FBXL7: variants seen among roughly 807,000 people sequenced by gnomAD.
FBXL7 encodes F-box/LRR-repeat protein 7.
A neutral mutation model predicts 38.3 loss-of-function variants in FBXL7; 12 were observed. The ratio of observed to expected loss-of-function variants is 0.31; its 90% confidence interval spans 0.20 to 0.51. The LOEUF (loss-of-function observed/expected upper bound fraction) is 0.51. Ranked by LOEUF, FBXL7 falls within the 20% of genes least tolerant of loss-of-function variation. The probability of loss-of-function intolerance (pLI) is 0.98; values close to 1 mark genes in which losing one functional copy is unlikely to be tolerated. For missense variants in FBXL7, 567 were observed against 676.4 expected (o/e 0.84, Z 1.79); for synonymous variants, 297 against 300.9 (o/e 0.99, Z 0.13).
intron 2 of FBXL7, among the ~76,000 whole-genome samples, chr5:15,692,597 T>C (rs186386389): frequency 7.2e-4 from 110 of 152,264 alleles, no homozygotes; most frequent in African/African-American, 2.5e-3. Context: ...GATAGAGTTT[T>C]TACCCCTGGC....
chr5:15,673,085 G>A (rs1308779958), intron 2 of FBXL7, among the ~76,000 whole-genome samples: 1 of 152,064 alleles, frequency 6.6e-6, no homozygotes, highest in Non-Finnish European at 1.5e-5. Flanking sequence ...CCAGGCCGAG[G>A]AAGGCTAATC....
chr5:15,503,989 T>C (rs1736573134), intron 1 of FBXL7, among the ~76,000 whole-genome samples: 2 of 152,254 alleles, frequency 1.3e-5, no homozygotes, highest in African/African-American at 4.8e-5. Flanking sequence ...CCTTAGCAGA[T>C]GTAATGGGCA....
chr5:15,568,046 A>G (rs1453401174), intron 1 of FBXL7, among the ~76,000 whole-genome samples: 3 of 152,060 alleles, frequency 2.0e-5, no homozygotes, highest in Admixed American at 6.6e-5. Context: ...GAATAGTGCC[A>G]CAATAAACAT....
chr5:15,848,223 G>T (rs1446232424), intron 2 of FBXL7, among the ~76,000 whole-genome samples: 1 of 151,940 alleles, frequency 6.6e-6, no homozygotes. Context: ...ATAATAATCT[G>T]TTCTTTCTGT....
chr5:15,836,411 C>T (rs1738594326), intron 2 of FBXL7, among the ~76,000 whole-genome samples: 1 of 152,112 alleles, frequency 6.6e-6, no homozygotes, highest in South Asian at 2.1e-4. Context: ...AAAACTAGAT[C>T]ATGTTAAGAG....
chr5:15,615,605 C>A (rs1382475331), intron 1 of FBXL7, among the ~76,000 whole-genome samples: 2 of 152,162 alleles, frequency 1.3e-5, no homozygotes, highest in Non-Finnish European at 2.9e-5. Flanking sequence ...TTGCTTATTT[C>A]CTTTACTGAG....
chr5:15,588,892 A>C (rs1739379170), intron 1 of FBXL7, among the ~76,000 whole-genome samples: 1 of 152,060 alleles, frequency 6.6e-6, no homozygotes, highest in Admixed American at 6.5e-5. Context: ...TTTTAATCCA[A>C]CCTCTTTCTT....
chr5:15,500,766 C>G, intron 1 of FBXL7, 53 bp downstream of exon 1: 1 of 1,585,692 alleles, frequency 6.3e-7, no homozygotes, highest in Non-Finnish European at 8.6e-7. Context: ...CCTCCCCTTT[C>G]CCTCGCCCTC....
chr5:15,717,823 C>T (rs1036062212), intron 2 of FBXL7, among the ~76,000 whole-genome samples: 3 of 151,652 alleles, frequency 2.0e-5, no homozygotes, highest in South Asian at 2.1e-4. Context: ...TAGAAGAGCC[C>T]GGGGAAATGG....
chr5:15,579,710 T>C (rs933200249), intron 1 of FBXL7, among the ~76,000 whole-genome samples: 1 of 151,960 alleles, frequency 6.6e-6, no homozygotes, highest in African/African-American at 2.4e-5. Flanking sequence ...CTTGGTGGAG[T>C]GGATCTGGGG....
At chr5:15,822,558 A>C (rs1201221214) in intron 2 of FBXL7, among the ~76,000 whole-genome samples, 1 of 151,450 alleles carries the variant, frequency 6.6e-6, no homozygotes, top group African/African-American at 2.4e-5. Flanking sequence ...TATCGTACTT[A>C]GCCCAATAGC....
chr5:15,929,056 GCTGTTGGTCC>G (rs1264208868), intron 3 of FBXL7, among the ~76,000 whole-genome samples: 1 of 152,180 alleles, frequency 6.6e-6, no homozygotes, highest in Non-Finnish European at 1.5e-5. Flanking sequence ...GCGCCCACCT[GCTGTTGGTCC>G]CTGGAGCCTG....
rs571637335 is a variant in FBXL7 at position 15,598,169 on chromosome 5, A to G, written c.38-17814A>G. On this transcript the variant is annotated intron_variant, in intron 1 of 3. Transcript: ENST00000504595. ...TGAATTAAAGTTTTTCAAAGAGGAA[A>G]GAGACCTACCAGGTCATCTGTTTAT... Among the ~76,000 whole-genome samples the G allele has an allele frequency of 2.2e-3, 332 of 152,346 alleles. 1 individual carries two copies. The highest frequency in any genetic ancestry group is 7.6e-3 in the African/African-American group (318 of 41,592).
At chr5:15,741,544 T>C (rs1735893796) in intron 2 of FBXL7, among the ~76,000 whole-genome samples, 1 of 152,234 alleles carries the variant, frequency 6.6e-6, no homozygotes, top group Non-Finnish European at 1.5e-5. Flanking sequence ...TGAAAGATTC[T>C]TCCTTGCTTA....
At chr5:15,800,345 G>A (rs571499861) in intron 2 of FBXL7, among the ~76,000 whole-genome samples, 1 of 152,304 alleles carries the variant, frequency 6.6e-6, no homozygotes, top group Non-Finnish European at 1.5e-5. Flanking sequence ...AAAGATAGGA[G>A]CACAGCACTG....
intron 2 of FBXL7, among the ~76,000 whole-genome samples, chr5:15,749,584 G>A (rs62350581): frequency 0.23 from 34,775 of 151,864 alleles, 4,155 homozygotes; most frequent in East Asian, 0.44. Flanking sequence ...CCGAGATTGC[G>A]CCACTGCACT....
intron 2 of FBXL7, among the ~76,000 whole-genome samples, chr5:15,695,706 G>A (rs115513940): frequency 0.014 from 2,059 of 152,166 alleles, 46 homozygotes; most frequent in African/African-American, 0.047. Flanking sequence ...TCTGAAGTAG[G>A]CTTTATTATC....
intron 2 of FBXL7, among the ~76,000 whole-genome samples, chr5:15,669,879 C>T (rs928972595): frequency 2.6e-5 from 4 of 152,182 alleles, no homozygotes; most frequent in African/African-American, 9.7e-5. Flanking sequence ...TATATATCTC[C>T]ATTTCACTGA....
intron 2 of FBXL7, among the ~76,000 whole-genome samples, chr5:15,670,334 T>G (rs1742424988): frequency 6.6e-6 from 1 of 151,846 alleles, no homozygotes; most frequent in East Asian, 1.9e-4. Context: ...CTCTATTGTT[T>G]AAAATTAAAA....
Sources: allele counts gnomAD v4.1 joint callset (sites outside exome capture counted in the v4.1 genomes callset), GRCh38; gene constraint gnomAD v4.1.1; transcripts MANE v1.5; gene names NCBI Gene and HGNC (gene_info 2026-07-23, HGNC 2026-07-21).